The following TENM3 variants were observed in gnomAD, a reference collection of about 807,000 sequenced individuals.
TENM3 encodes teneurin transmembrane protein 3.
In TENM3, 63 loss-of-function variants were observed where a neutral mutation model predicts 255.1. That is an observed-to-expected ratio of 0.25 (90% confidence interval 0.20 to 0.30). The LOEUF is 0.30. Ranked by LOEUF, TENM3 falls within the 10% of genes least tolerant of loss-of-function variation. The probability of loss-of-function intolerance (pLI) is 1.00; values close to 1 mark genes in which losing one functional copy is unlikely to be tolerated. For synonymous variants in TENM3, 1,306 were observed against 1,322.3 expected (o/e 0.99, Z 0.27); for missense variants, 2,929 against 3,461.1 (o/e 0.85, Z 3.86).
chr4:181,945,772 C>G, the TENM3 span, among the ~76,000 whole-genome samples: 1 of 151,994 alleles, frequency 6.6e-6, no homozygotes, highest in Non-Finnish European at 1.5e-5. Context: ...TACAACAAAA[C>G]AGAAGTTTTC....
chr4:181,678,993 T>C, the TENM3 span, among the ~76,000 whole-genome samples: 1 of 152,132 alleles, frequency 6.6e-6, no homozygotes, highest in African/African-American at 2.4e-5. Flanking sequence ...GCAAACTAAA[T>C]ATGGCCCAGG....
intron 3 of TENM3, among the ~76,000 whole-genome samples, chr4:182,432,052 C>T (rs1357466056): frequency 1.4e-5 from 2 of 143,944 alleles, no homozygotes; most frequent in Non-Finnish European, 3.0e-5. Flanking sequence ...TACTGCACTC[C>T]AGCCTGGGCA....
chr4:182,759,725 G>T (rs1272095158), intron 22 of TENM3, among the ~76,000 whole-genome samples: 4 of 152,228 alleles, frequency 2.6e-5, no homozygotes, highest in Non-Finnish European at 5.9e-5. Flanking sequence ...GGAGAAGAAA[G>T]CCTGATTCCC....
chr4:182,549,425 GTGT>G (rs992835453), intron 3 of TENM3, among the ~76,000 whole-genome samples: 1 of 152,184 alleles, frequency 6.6e-6, no homozygotes, highest in African/African-American at 2.4e-5. Flanking sequence ...AGGAAAGAGT[GTGT>G]TGTTTGAGTT....
At chr4:182,568,815 G>A (rs981912807) in intron 3 of TENM3, among the ~76,000 whole-genome samples, 2 of 152,134 alleles carry the variant, frequency 1.3e-5, no homozygotes, top group Non-Finnish European at 2.9e-5. Context: ...ACAAAGCACG[G>A]CTATACATAG....
chr4:182,468,824 T>TTGTGTGTGTGTGTG (rs66517986), intron 3 of TENM3, among the ~76,000 whole-genome samples: 20 of 143,768 alleles, frequency 1.4e-4, no homozygotes, highest in East Asian at 4.2e-4. Context: ...TCCTGTGTGC[T>TTGTGTGTGTGTGTG]TGTGTGTGTG....
the TENM3 span, among the ~76,000 whole-genome samples, chr4:181,627,581 C>A: frequency 1.3e-5 from 2 of 152,004 alleles, no homozygotes; most frequent in African/African-American, 4.8e-5. Flanking sequence ...TGAGAACATG[C>A]GGTGTTTGGT....
chr4:182,021,021 G>C, the TENM3 span, among the ~76,000 whole-genome samples: 2 of 151,652 alleles, frequency 1.3e-5, no homozygotes, highest in Admixed American at 1.3e-4. Context: ...GCTGAGGTTG[G>C]GGCTTCTGTT....
At chr4:182,173,738 G>C (rs1259534907) in intron 1 of TENM3, among the ~76,000 whole-genome samples, 2 of 152,134 alleles carry the variant, frequency 1.3e-5, no homozygotes, top group Non-Finnish European at 2.9e-5. Context: ...TGAGATATGG[G>C]AAATAGAGAA....
the TENM3 span, among the ~76,000 whole-genome samples, chr4:181,539,903 G>A: frequency 0.043 from 6,604 of 152,180 alleles, 345 homozygotes; most frequent in African/African-American, 0.12. Flanking sequence ...AACTATTTGG[G>A]CATATTACAA....
intron 3 of TENM3, among the ~76,000 whole-genome samples, chr4:182,462,516 G>A (rs1732127661): frequency 6.6e-6 from 1 of 151,776 alleles, no homozygotes; most frequent in East Asian, 2.0e-4. Context: ...GAACGCCTTT[G>A]AGTGCAGAAG....
At chr4:182,004,771 C>T in the TENM3 span, among the ~76,000 whole-genome samples, 2 of 152,182 alleles carry the variant, frequency 1.3e-5, no homozygotes, top group Admixed American at 1.3e-4. Flanking sequence ...ACCATTCTGA[C>T]TGGCGTGAGA....
the TENM3 span, among the ~76,000 whole-genome samples, chr4:181,817,925 A>G: frequency 2.0e-5 from 3 of 152,206 alleles, no homozygotes; most frequent in African/African-American, 7.2e-5. Context: ...CCCTGTAGGC[A>G]GGGGTTTTAC....
At chr4:181,668,270 T>C in the TENM3 span, among the ~76,000 whole-genome samples, 1 of 152,226 alleles carries the variant, frequency 6.6e-6, no homozygotes, top group Non-Finnish European at 1.5e-5. Flanking sequence ...TTCTACCCTA[T>C]CACTAGGCTT....
the TENM3 span, among the ~76,000 whole-genome samples, chr4:181,493,612 T>A: frequency 6.6e-6 from 1 of 152,016 alleles, no homozygotes. Context: ...CCGGGCATGG[T>A]GGTGCATGCC....
upstream of TENM3, among the ~76,000 whole-genome samples, chr4:182,239,994 G>A (rs1227960779): frequency 1.3e-5 from 2 of 152,008 alleles, no homozygotes; most frequent in African/African-American, 4.8e-5. Flanking sequence ...TAATTAAAAT[G>A]GCTGGGAAAA....
intron 3 of TENM3, among the ~76,000 whole-genome samples, chr4:182,397,630 A>T (rs189059659): frequency 6.6e-6 from 1 of 152,038 alleles, no homozygotes; most frequent in East Asian, 1.9e-4. Flanking sequence ...CGGGGCTACT[A>T]CCGTAACAAG....
At chr4:182,025,076 T>C in the TENM3 span, among the ~76,000 whole-genome samples, 1 of 148,100 alleles carries the variant, frequency 6.8e-6, no homozygotes, top group Admixed American at 6.7e-5. Flanking sequence ...TTGCCCAGGC[T>C]GGAGTGCAGT....
intron 3 of TENM3, among the ~76,000 whole-genome samples, chr4:182,414,248 CT>C (rs973813006): frequency 6.6e-5 from 10 of 152,140 alleles, no homozygotes; most frequent in African/African-American, 2.4e-4. Context: ...GGTGAGTGGA[CT>C]TTTTTGAAAT....
Sources: allele counts gnomAD v4.1 joint callset (sites outside exome capture counted in the v4.1 genomes callset), GRCh38; gene constraint gnomAD v4.1.1; transcripts MANE v1.5; gene names NCBI Gene and HGNC (gene_info 2026-07-23, HGNC 2026-07-21).